WWTR1: variants seen among roughly 807,000 people sequenced by gnomAD.
WWTR1 encodes WW domain-containing transcription regulator protein 1.
Under a neutral mutation model 40.1 loss-of-function variants are expected in WWTR1, and 13 were observed. The ratio of observed to expected loss-of-function variants is 0.32; its 90% CI spans 0.21 to 0.52. The LOEUF is 0.52. Ranked by LOEUF, WWTR1 falls within the 20% of genes least tolerant of loss-of-function variation. The pLI is 0.97. For missense variants in WWTR1, 436 were observed against 523.1 expected (o/e 0.83, Z 1.63); for synonymous variants, 230 against 210.1 (o/e 1.09, Z -0.82).
intron 1 of WWTR1, among the ~76,000 whole-genome samples, chr3:149,689,968 A>G (rs959830091): frequency 1.3e-5 from 2 of 152,206 alleles, no homozygotes; most frequent in Non-Finnish European, 2.9e-5. Flanking sequence ...GTTAAAAGTA[A>G]GAGGCAGGGA....
intron 6 of WWTR1, among the ~76,000 whole-genome samples, chr3:149,524,584 A>G (rs1735205090): frequency 1.3e-5 from 2 of 152,346 alleles, no homozygotes; most frequent in South Asian, 4.1e-4. Context: ...ACTGAAGAAC[A>G]GTAAAACAAT....
chr3:149,581,547 A>AT (rs570814996), intron 2 of WWTR1, among the ~76,000 whole-genome samples: 2 of 152,088 alleles, frequency 1.3e-5, no homozygotes, highest in African/African-American at 4.8e-5. Flanking sequence ...TAAATAGGGG[A>AT]TTTTTTTAGG....
intron 3 of WWTR1, 50 bp from the exon 4 acceptor site, chr3:149,542,587 T>C: frequency 2.0e-6 from 3 of 1,518,780 alleles, no homozygotes; most frequent in Non-Finnish European, 2.7e-6. Flanking sequence ...CACAATACCT[T>C]ATCAAAAATA....
intron 2 of WWTR1, among the ~76,000 whole-genome samples, chr3:149,622,502 G>GAAGAAAGAAAGAAAGAA (rs1740344603): frequency 2.8e-4 from 13 of 46,326 alleles, no homozygotes; most frequent in African/African-American, 8.8e-4. Context: ...AGGAAGGAAG[G>GAAGAAAGAAAGAAAGAA]AAGAAAGAAA....
chr3:149,525,761 T>C (rs1410860705), intron 6 of WWTR1: 2 of 273,418 alleles, frequency 7.3e-6, no homozygotes, highest in Non-Finnish European at 1.3e-5. Context: ...TCGGGACTAC[T>C]GGGAGTGGGG....
chr3:149,668,419 C>T (rs565791649), intron 2 of WWTR1, among the ~76,000 whole-genome samples: 114 of 151,882 alleles, frequency 7.5e-4, no homozygotes, highest in Non-Finnish European at 1.3e-3. Context: ...CCAGCCTGGC[C>T]GACATGGTGA....
chr3:149,586,850 A>T (rs1738453780), intron 2 of WWTR1, among the ~76,000 whole-genome samples: 1 of 152,228 alleles, frequency 6.6e-6, no homozygotes, highest in Non-Finnish European at 1.5e-5. Context: ...ATAAAAATCC[A>T]TAAGGATAGG....
chr3:149,552,480 C>T (rs1037121280), intron 3 of WWTR1, among the ~76,000 whole-genome samples: 7 of 149,830 alleles, frequency 4.7e-5, no homozygotes, highest in East Asian at 2.4e-4. Context: ...AAACTGGCAA[C>T]GCCTCACCCA....
At chr3:149,624,380 CCTTGGCCTCA>C (rs1265808526) in intron 2 of WWTR1, among the ~76,000 whole-genome samples, 2 of 152,222 alleles carry the variant, frequency 1.3e-5, no homozygotes, top group Non-Finnish European at 2.9e-5. Context: ...CTGGAGCCAA[CCTTGGCCTCA>C]CTTGGTTCAT....
intron 3 of WWTR1, among the ~76,000 whole-genome samples, chr3:149,566,415 T>C (rs1257310911): frequency 1.3e-5 from 2 of 152,174 alleles, no homozygotes; most frequent in Non-Finnish European, 2.9e-5. Flanking sequence ...TGTTTGTCTC[T>C]GGGTTTGTGC....
At chr3:149,625,410 G>A (rs895703172) in intron 2 of WWTR1, among the ~76,000 whole-genome samples, 13 of 151,008 alleles carry the variant, frequency 8.6e-5, no homozygotes, top group Admixed American at 2.0e-4. Context: ...GAGCCACTGC[G>A]CCCGGCCAAC....
chr3:149,723,358 T>C (rs1371956974), intron 4 of WWTR1, among the ~76,000 whole-genome samples: 1 of 151,696 alleles, frequency 6.6e-6, no homozygotes, highest in Non-Finnish European at 1.5e-5. Flanking sequence ...CTGAATAATT[T>C]TGTATTTTTA....
intron 3 of WWTR1, among the ~76,000 whole-genome samples, chr3:149,565,413 A>G (rs149355495): frequency 0.016 from 2,428 of 152,178 alleles, 30 homozygotes; most frequent in Non-Finnish European, 0.024. Flanking sequence ...TCATATAATA[A>G]AACCTATAAG....
chr3:149,577,929 C>CCTTT (rs1737961165), intron 2 of WWTR1, among the ~76,000 whole-genome samples: 1 of 152,058 alleles, frequency 6.6e-6, no homozygotes, highest in Non-Finnish European at 1.5e-5. Flanking sequence ...TCCTTCATGA[C>CCTTT]CTTTCACCTT....
chr3:149,700,293 T>G (rs1348516610), intron 1 of WWTR1, among the ~76,000 whole-genome samples: 2 of 151,866 alleles, frequency 1.3e-5, no homozygotes, highest in African/African-American at 4.8e-5. Context: ...CACAGTGAGA[T>G]CCTATCCCTA....
intron 2 of WWTR1, among the ~76,000 whole-genome samples, chr3:149,646,202 G>C (rs1256768529): frequency 2.0e-5 from 3 of 152,196 alleles, no homozygotes; most frequent in Non-Finnish European, 4.4e-5. Context: ...ATGGATGACA[G>C]ACACATTAGA....
At chr3:149,619,092 A>G (rs1740142946) in intron 2 of WWTR1, among the ~76,000 whole-genome samples, 1 of 152,194 alleles carries the variant, frequency 6.6e-6, no homozygotes, top group Non-Finnish European at 1.5e-5. Context: ...GCATGTTTTC[A>G]TGGCACCTTT....
chr3:149,530,355 G>GA (rs11439650), intron 4 of WWTR1, among the ~76,000 whole-genome samples: 106,471 of 148,552 alleles, frequency 0.72, 38,049 homozygotes, highest in South Asian at 0.8. Context: ...CTCAAAAAAA[G>GA]AAAAAAAAAA....
At chr3:149,666,659 G>A (rs1264435828) in intron 2 of WWTR1, among the ~76,000 whole-genome samples, 1 of 152,154 alleles carries the variant, frequency 6.6e-6, no homozygotes, top group Non-Finnish European at 1.5e-5. Flanking sequence ...CTGTGAGAAT[G>A]GGCAGATACA....
Sources: gnomAD v4.1 joint callset for allele counts (sites outside exome capture counted in the v4.1 genomes callset) on GRCh38, gnomAD v4.1.1 for gene constraint, MANE v1.5 for transcripts, NCBI Gene and HGNC (gene_info 2026-07-23, HGNC 2026-07-21) for gene names.